SMIM15: variants seen among roughly 807,000 people sequenced by gnomAD.
SMIM15 encodes the protein small integral membrane protein 15.
A neutral mutation model predicts 6.8 loss-of-function variants in SMIM15; 5 were observed. That is an observed-to-expected ratio of 0.74 (90% CI 0.39 to 1.56). The LOEUF is 1.56. SMIM15 is among the 40% of genes most tolerant of loss of function. The probability of loss-of-function intolerance (pLI) is 0.03; values close to 1 mark genes in which losing one functional copy is unlikely to be tolerated. For missense variants in SMIM15, 81 were observed against 84.8 expected (o/e 0.96, Z 0.18); for synonymous variants, 30 against 30.8 (o/e 0.97, Z 0.09).
Position 61,160,074 on chromosome 5 carries a change from A to G in SMIM15, c.98T>C (p.Leu33Pro), listed in dbSNP as rs1741386872. 6.2e-7 allele frequency: 1 copy of G among 1,614,196 alleles called. No individual in the cohort carries two copies. ...AGACAGTACAGCACTTGCTAGGAAC[A>G]GTGGAGTAAGGGCCAAAATAACGGT... ...LTTVILALTPLFLASAVLSWK... is the reference protein window; with the variant it reads ...LTTVILALTPPFLASAVLSWK... The change falls in exon 3 of 3, where the codon CTG becomes CCG. Residue 33 changes from leucine (L) to proline (P), a missense_variant. Physicochemically the swap from Leu to Pro is moderately conservative, Grantham distance 98. Coordinates refer to ENST00000339020, the MANE Select transcript of SMIM15 (RefSeq NM_001048249.4).
rs1741378633 is a variant in SMIM15 at position 61,159,636 on chromosome 5, T to A, written c.*311A>T. The A allele has an allele frequency of 6.4e-6, 2 of 311,444 alleles. No homozygotes were observed. The highest frequency in any genetic ancestry group is 1.2e-5 in the Non-Finnish European group (2 of 166,796). The allele number at this position is 311,444 out of a possible 1,614,324, so 19.3% of individuals were successfully genotyped here. A position where few individuals can be genotyped will look rare whatever the true frequency, so the allele number is the denominator to read the frequency against. On this transcript the variant is annotated 3_prime_UTR_variant, in exon 3 of 3. Transcript: ENST00000339020. ...TGAGTTCATAATCTAAAGTCACTTTTCCCCACAAGATGTTTTCATTTCAGT... is the reference window on the plus strand; with the variant it reads ...TGAGTTCATAATCTAAAGTCACTTTACCCCACAAGATGTTTTCATTTCAGT...
rs1255719738 is a variant in SMIM15 at position 61,158,499 on chromosome 5, A to C, written c.*1448T>G. On this transcript the variant is annotated 3_prime_UTR_variant, in exon 3 of 3. Transcript: ENST00000339020. ...AGGTTCTGAGAGATACAGTCCTGAAATTTTACAAGTATGCTTAGCTGTAAC... is the reference window on the plus strand; with the variant it reads ...AGGTTCTGAGAGATACAGTCCTGAACTTTTACAAGTATGCTTAGCTGTAAC... 1 of 151,966 alleles carries C rather than the reference A, an allele frequency of 6.6e-6. No homozygotes were observed. The highest frequency in any genetic ancestry group is 1.5e-5 in the Non-Finnish European group (1 of 67,974). 9.4% of individuals were successfully genotyped at this position (151,966 alleles called of 1,614,324 possible). A position where few individuals can be genotyped will look rare whatever the true frequency, so the allele number is the denominator to read the frequency against.
Position 61,159,771 on chromosome 5 carries a change from C to A in SMIM15, c.*176G>T, listed in dbSNP as rs557946420. ...AGAAACCTATAAACTTCTACACCCACGCCTAAAAGTTACTATAGTATTGAG... is the reference window on the plus strand; with the variant it reads ...AGAAACCTATAAACTTCTACACCCAAGCCTAAAAGTTACTATAGTATTGAG... On this transcript the variant is annotated 3_prime_UTR_variant, in exon 3 of 3. Coordinates refer to ENST00000339020, the MANE Select transcript of SMIM15 (RefSeq NM_001048249.4). 6 of 668,482 alleles carry A rather than the reference C, an allele frequency of 9.0e-6. No homozygotes were observed. The South Asian group carries it at 1.2e-4, about 13-fold the overall frequency. The allele number at this position is 668,482 out of a possible 1,614,324, so 41.4% of individuals were successfully genotyped here.
chr5:61,159,542 TCTGA>T lies in SMIM15; in HGVS notation c.*401_*404del, dbSNP rs918216490. On this transcript the variant is annotated 3_prime_UTR_variant, in exon 3 of 3. Transcript: ENST00000339020. Reference sequence around the variant, plus strand: ...AGCACACTTTTTACCTCAAGACTGTTCTGACTTTTACATTCTTAATTTCCTTTGT... The same window carrying T: ...AGCACACTTTTTACCTCAAGACTGTTCTTTTACATTCTTAATTTCCTTTGT... 3.3e-5 allele frequency: 7 copies of T among 210,780 alleles called. No homozygotes were observed. Among genetic ancestry groups the T allele is most frequent in the South Asian group, 3.1e-4 (4 of 12,978 alleles). 13.1% of individuals were successfully genotyped at this position (210,780 alleles called of 1,614,324 possible).
chr5:61,159,990 C>A lies in SMIM15; in HGVS notation c.182G>T (p.Arg61Leu), dbSNP rs769441016. 63 of 1,613,554 alleles carry A rather than the reference C, an allele frequency of 3.9e-5. No homozygotes were observed. The highest frequency in any genetic ancestry group is 5.2e-5 in the Non-Finnish European group (61 of 1,180,012). ...REKEQKKKQKRQENIAKAKRL... is the reference protein window; with the variant it reads ...REKEQKKKQKLQENIAKAKRL... Reference sequence around the variant, plus strand: ...TTTAGCTTTTGCAATGTTTTCTTGGCGTTTTTGCTTCTTCTTTTGCTCCTT... The same window carrying A: ...TTTAGCTTTTGCAATGTTTTCTTGGAGTTTTTGCTTCTTCTTTTGCTCCTT... Residue 61 changes from arginine to leucine, a missense_variant, in exon 3 of 3, where the codon CGC becomes CTC. Physicochemically the swap from Arg to Leu is moderately radical, Grantham distance 102. Coordinates refer to ENST00000339020, the MANE Select transcript of SMIM15 (RefSeq NM_001048249.4).
Position 61,159,925 on chromosome 5 carries a change from G to T in SMIM15, c.*22C>A. 6.2e-7 allele frequency: 1 copy of T among 1,610,038 alleles called. No individual in the cohort carries two copies. Among genetic ancestry groups the T allele is most frequent in the Non-Finnish European group, 8.5e-7 (1 of 1,179,094 alleles). ...TAATTTTCCAAATGATTTTCCTCTG[G>T]TTGCAAAGCCTGTTCAGTCCTTCAA... On this transcript the variant is annotated 3_prime_UTR_variant, in exon 3 of 3. Coordinates refer to ENST00000339020, the MANE Select transcript of SMIM15 (RefSeq NM_001048249.4).
At position 61,159,969 on chromosome 5, in the gene SMIM15, G is replaced by A; in HGVS notation, c.203C>T (p.Ala68Val). 1 of 1,613,042 alleles carries A rather than the reference G, an allele frequency of 6.2e-7. No homozygotes were observed. The highest frequency in any genetic ancestry group is 8.5e-7 in the Non-Finnish European group (1 of 1,180,016). Residue 68 changes from alanine (A) to valine (V), a missense_variant, in exon 3 of 3, where the codon GCT becomes GTT. Ala to Val is a moderately conservative substitution (Grantham distance 64). Transcript: ENST00000339020. ...CCTTCAATCCTTTTTTAGTCGTTTAGCTTTTGCAATGTTTTCTTGGCGTTT... is the reference window on the plus strand; with the variant it reads ...CCTTCAATCCTTTTTTAGTCGTTTAACTTTTGCAATGTTTTCTTGGCGTTT... ...KQKRQENIAKAKRLKKD is the reference protein window; with the variant it reads ...KQKRQENIAKVKRLKKD
At position 61,160,121 on chromosome 5, in the gene SMIM15, C is replaced by T. The variant is rs753203412; in HGVS notation, c.51G>A (p.Lys17=). ...WAEYVVEWAA[K]DPYGFLTTVI... Reference sequence around the variant, plus strand: ...CGGTTGTAAGGAAGCCATAGGGGTCCTTTGCAGCCCATTCCACAACATACT... The same window carrying T: ...CGGTTGTAAGGAAGCCATAGGGGTCTTTTGCAGCCCATTCCACAACATACT... Residue 17 remains lysine, a synonymous_variant, in exon 3 of 3, where the codon AAG becomes AAA. Transcript: ENST00000339020. The T allele has an allele frequency of 1.9e-6, 3 of 1,614,042 alleles. No individual in the cohort carries two copies. Among genetic ancestry groups the T allele is most frequent in the African/African-American group, 2.7e-5 (2 of 74,924 alleles).
In SMIM15 at chr5:61,159,772, G is replaced by A. The variant is rs1288994562; in HGVS notation, c.*175C>T. 6 of 669,338 alleles carry A rather than the reference G, an allele frequency of 9.0e-6. No homozygotes were observed. The highest frequency in any genetic ancestry group is 1.5e-5 in the Non-Finnish European group (6 of 401,820). The allele number at this position is 669,338 out of a possible 1,614,324, so 41.5% of individuals were successfully genotyped here. ...GAAACCTATAAACTTCTACACCCAC[G>A]CCTAAAAGTTACTATAGTATTGAGG... On this transcript the variant is annotated 3_prime_UTR_variant, in exon 3 of 3. Transcript: ENST00000339020.
intron 2 of SMIM15, 46 bp from the exon 3 acceptor site, chr5:61,160,245 A>G: frequency 1.4e-6 from 2 of 1,403,998 alleles, no homozygotes; most frequent in Non-Finnish European, 2.0e-6. Context: ...ACAGGAGAAA[A>G]GACTATGTGG....
Position 61,158,537 on chromosome 5 carries a change from T to A in SMIM15, c.*1410A>T, listed in dbSNP as rs1235200530. 2 of 150,562 alleles carry A rather than the reference T, an allele frequency of 1.3e-5. No individual in the cohort carries two copies. The highest frequency in any genetic ancestry group is 4.9e-5 in the African/African-American group (2 of 40,984). The allele number at this position is 150,562 out of a possible 1,614,324, so 9.3% of individuals were successfully genotyped here. A position where few individuals can be genotyped will look rare whatever the true frequency, so the allele number is the denominator to read the frequency against. ...GCTTAGCTGTAACTGAAATTCTAAC[T>A]TGCATAACATAATGTAACTTAAAAT... On this transcript the variant is annotated 3_prime_UTR_variant, in exon 3 of 3. Coordinates refer to ENST00000339020, the MANE Select transcript of SMIM15 (RefSeq NM_001048249.4).
chr5:61,160,040 CA>C lies in SMIM15; in HGVS notation c.131del (p.Leu44TrpfsTer4), dbSNP rs1205994696. On this transcript the variant is annotated frameshift_variant, in exon 3 of 3. Transcript: ENST00000339020. LOFTEE classifies it high-confidence loss of function. ...TCTCCCTGGCCTCAATCATCTTGGC[CA>C]ATTTCCAAGACAGTACAGCACTTGC... ...FLASAVLSWK[L>X]AKMIEAREKE... 1 of 1,614,128 alleles carries C rather than the reference CA, an allele frequency of 6.2e-7. No individual in the cohort carries two copies.
chr5:61,159,879 G>A lies in SMIM15; in HGVS notation c.*68C>T. The A allele has an allele frequency of 6.5e-7, 1 of 1,527,776 alleles. No homozygotes were observed. 94.6% of individuals were successfully genotyped at this position (1,527,776 alleles called of 1,614,324 possible). ...CAAGAAATCCAAAGAAGAAACTTTA[G>A]TGGATTCTTCCAAAGCTGTGTAATT... On this transcript the variant is annotated 3_prime_UTR_variant, in exon 3 of 3. Coordinates refer to ENST00000339020, the MANE Select transcript of SMIM15 (RefSeq NM_001048249.4).
chr5:61,160,910 G>A (rs992081468), intron 2 of SMIM15, among the ~76,000 whole-genome samples, 178 bp downstream of exon 2: 16 of 152,300 alleles, frequency 1.1e-4, no homozygotes, highest in African/African-American at 3.6e-4. Context: ...AAGGCAACTG[G>A]CAAATGAGGA....
At chr5:61,161,838 T>C (rs923386604) in intron 1 of SMIM15, among the ~76,000 whole-genome samples, 1 of 152,208 alleles carries the variant, frequency 6.6e-6, no homozygotes, top group Non-Finnish European at 1.5e-5. Flanking sequence ...TCTTAGCTCC[T>C]GGACTTCATA....
rs1472812008 is a variant in SMIM15 at position 61,161,160 on chromosome 5, C to G, written c.-101G>C. On this transcript the variant is annotated 5_prime_UTR_variant, in exon 2 of 3. Coordinates refer to ENST00000339020, the MANE Select transcript of SMIM15 (RefSeq NM_001048249.4). Reference sequence around the variant, plus strand: ...GACCCAATCACGACTTCAGATGACCCTTGGTAGTCTGTCTTCTTGAGTTCT... The same window carrying G: ...GACCCAATCACGACTTCAGATGACCGTTGGTAGTCTGTCTTCTTGAGTTCT... The G allele has an allele frequency of 6.6e-6, 1 of 152,156 alleles. No homozygotes were observed. Among genetic ancestry groups the G allele is most frequent in the African/African-American group, 2.4e-5 (1 of 41,440 alleles). 9.4% of individuals were successfully genotyped at this position (152,156 alleles called of 1,614,324 possible).
intron 2 of SMIM15, among the ~76,000 whole-genome samples, 188 bp from the exon 3 acceptor site, chr5:61,160,387 G>GT (rs1252192877): frequency 1.3e-5 from 2 of 152,150 alleles, no homozygotes; most frequent in Non-Finnish European, 2.9e-5. Flanking sequence ...TTAGGAAAAA[G>GT]TAATTCATCT....
Position 61,160,098 on chromosome 5 carries a change from G to A in SMIM15, c.74C>T (p.Thr25Ile), listed in dbSNP as rs1332210381. Residue 25 changes from threonine (T) to isoleucine (I), a missense_variant, in exon 3 of 3, where the codon ACC (threonine) becomes ATC (isoleucine). By Grantham distance (89) the Thr-to-Ile change is moderately conservative (BLOSUM62 -1). Coordinates refer to ENST00000339020, the MANE Select transcript of SMIM15 (RefSeq NM_001048249.4). ...CAGTGGAGTAAGGGCCAAAATAACG[G>A]TTGTAAGGAAGCCATAGGGGTCCTT... ...AAKDPYGFLT[T>I]VILALTPLFL... The A allele has an allele frequency of 1.4e-5, 22 of 1,614,040 alleles. No individual in the cohort carries two copies. Among genetic ancestry groups the A allele is most frequent in the Admixed American group, 5.0e-5 (3 of 60,006 alleles).
Position 61,158,424 on chromosome 5 carries a change from T to C in SMIM15, c.*1523A>G, listed in dbSNP as rs1400671019. ...AGTAGAGACTGATAATCTAAAAGAA[T>C]AGCATTAAGTGTTATTCAAACTGGT... On this transcript the variant is annotated 3_prime_UTR_variant, in exon 3 of 3. Transcript: ENST00000339020. The C allele has an allele frequency of 1.3e-5, 2 of 152,158 alleles. No individual in the cohort carries two copies. The highest frequency in any genetic ancestry group is 2.4e-5 in the African/African-American group (1 of 41,440). The allele number at this position is 152,158 out of a possible 1,614,324, so 9.4% of individuals were successfully genotyped here. A position where few individuals can be genotyped will look rare whatever the true frequency, so the allele number is the denominator to read the frequency against.
Sources: gnomAD v4.1 joint callset for allele counts (sites outside exome capture counted in the v4.1 genomes callset) on GRCh38, gnomAD v4.1.1 for gene constraint, MANE v1.5 for transcripts, NCBI Gene and HGNC (gene_info 2026-07-23, HGNC 2026-07-21) for gene names.